Variants in C4orf51 observed in about 807,000 individuals in gnomAD.
C4orf51 encodes the protein chromosome 4 open reading frame 51, also known as uncharacterized protein C4orf51.
C4orf51 carries 25 observed loss-of-function variants against 25.2 expected under a neutral mutation model. The ratio of observed to expected loss-of-function variants is 0.99; its 90% CI spans 0.72 to 1.39. The LOEUF (loss-of-function observed/expected upper bound fraction) is 1.39. C4orf51 is among the 40% of genes most tolerant of loss of function. The pLI, the probability that C4orf51 is intolerant of heterozygous loss-of-function variation, is 0.00. For synonymous variants in C4orf51, 100 were observed against 84.5 expected, an observed-to-expected ratio of 1.18 and a Z score of -1.01; for missense variants, 252 against 239.6, an observed-to-expected ratio of 1.05 and a Z score of -0.34.
chr4:145,757,613 AAAAG>A (rs1233776349), downstream of C4orf51: 1 of 152,084 alleles, frequency 6.6e-6, no homozygotes, highest in Admixed American at 6.5e-5. Flanking sequence ...CCAAAAAAGA[AAAAG>A]AAACAAGAGT....
At position 145,729,944 on chromosome 4, in the gene C4orf51, AG is replaced by A; in HGVS notation, c.483del (p.Gly163ValfsTer3). On this transcript the variant is annotated frameshift_variant, in exon 5 of 6. Coordinates refer to ENST00000438731, the MANE Select transcript of C4orf51 (RefSeq NM_001080531.3). LOFTEE classifies it low-confidence loss of function (END_TRUNC). The stretch of plus-strand genomic sequence containing the variant: ...AGGCCCTGATAAACTACAGTCGACG[AG>A]GGAAAGGTGTCCTAAAGCATGTAAG... ...QEALINYSRR[G>X]KGVLKHLHGR... The A allele has an allele frequency of 2.5e-6, 4 of 1,613,942 alleles. No homozygotes were observed. The highest frequency in any genetic ancestry group is 3.4e-6 in the Non-Finnish European group (4 of 1,179,840).
chr4:145,746,289 C>T (rs937455814), intron 1 of C4orf51, among the ~76,000 whole-genome samples: 1 of 152,094 alleles, frequency 6.6e-6, no homozygotes, highest in Non-Finnish European at 1.5e-5. Flanking sequence ...GAAATCTTTG[C>T]CCGCTCCAGT....
At chr4:145,749,577 T>A (rs1287578042) in intron 1 of C4orf51, among the ~76,000 whole-genome samples, 1 of 151,636 alleles carries the variant, frequency 6.6e-6, no homozygotes, top group Non-Finnish European at 1.5e-5. Context: ...GTATCTGTTA[T>A]ATGTTTTTTG....
downstream of C4orf51, among the ~76,000 whole-genome samples, chr4:145,774,331 A>G (rs1234887495): frequency 1.3e-5 from 2 of 152,208 alleles, no homozygotes. Flanking sequence ...GCATGCCAGG[A>G]AACAGTATTA....
At chr4:145,690,203 G>GT (rs978442544) in intron 1 of C4orf51, among the ~76,000 whole-genome samples, 7 of 128,314 alleles carry the variant, frequency 5.5e-5, no homozygotes, top group African/African-American at 9.0e-5. Context: ...GCAAACCTCC[G>GT]TAAAAAAAAT....
At chr4:145,779,366 T>G in the C4orf51 span, 12 of 1,613,488 alleles carry the variant, frequency 7.4e-6, no homozygotes, top group Non-Finnish European at 1.0e-5. Flanking sequence ...CAGGCCCTAC[T>G]CACTCACCTG....
the C4orf51 span, among the ~76,000 whole-genome samples, chr4:145,782,894 A>G: frequency 7.2e-5 from 11 of 152,328 alleles, no homozygotes; most frequent in African/African-American, 2.6e-4. Context: ...CTACTTCTGT[A>G]CAATAAACTC....
intron 1 of C4orf51, among the ~76,000 whole-genome samples, chr4:145,693,559 G>A (rs1729757306): frequency 1.3e-5 from 2 of 151,550 alleles, no homozygotes; most frequent in African/African-American, 4.8e-5. Context: ...ACACCTCCCA[G>A]ATGGGGTGGT....
At chr4:145,711,964 A>G (rs10028472) in intron 2 of C4orf51, among the ~76,000 whole-genome samples, 27,680 of 152,074 alleles carry the variant, frequency 0.18, 3,462 homozygotes, top group African/African-American at 0.36. Context: ...AATTCTCACA[A>G]TATTTTAAAA....
At chr4:145,748,583 T>C (rs1733506278) in intron 1 of C4orf51, among the ~76,000 whole-genome samples, 1 of 152,186 alleles carries the variant, frequency 6.6e-6, no homozygotes, top group Non-Finnish European at 1.5e-5. Flanking sequence ...TGTGTTCCAA[T>C]TATCATTTGT....
At chr4:145,739,377 T>G (rs904548458) in intron 1 of C4orf51, among the ~76,000 whole-genome samples, 2 of 152,244 alleles carry the variant, frequency 1.3e-5, no homozygotes, top group Non-Finnish European at 2.9e-5. Context: ...ACTGAGGAAT[T>G]CATCCCATAG....
At chr4:145,791,831 T>C in the C4orf51 span, among the ~76,000 whole-genome samples, 1 of 152,254 alleles carries the variant, frequency 6.6e-6, no homozygotes, top group Non-Finnish European at 1.5e-5. Flanking sequence ...CCTCATTTTA[T>C]AGATGAGACA....
chr4:145,696,435 T>C (rs986030457), intron 1 of C4orf51, 124 bp from the exon 2 acceptor site: 1 of 769,454 alleles, frequency 1.3e-6, no homozygotes, highest in Non-Finnish European at 2.2e-6. Flanking sequence ...CCTTCACATG[T>C]ACTCCCAAAC....
the C4orf51 span, chr4:145,779,530 G>A: frequency 6.2e-7 from 1 of 1,610,414 alleles, no homozygotes; most frequent in Non-Finnish European, 8.5e-7. Context: ...AAAGAACAAA[G>A]CATCATGAGA....
chr4:145,768,916 T>TATATATATATATATATATA (rs34051922), intron 1 of C4orf51, among the ~76,000 whole-genome samples: 1 of 34,428 alleles, frequency 2.9e-5, no homozygotes, highest in Non-Finnish European at 5.2e-5. Context: ...TATATATATA[T>TATATATATATATATATATA]TAGGTATACA....
chr4:145,736,592 G>A (rs1208043691), downstream of C4orf51, among the ~76,000 whole-genome samples: 1 of 152,146 alleles, frequency 6.6e-6, no homozygotes, highest in Non-Finnish European at 1.5e-5. Context: ...CCTGACCTAG[G>A]CATTTCAGGC....
At chr4:145,733,734 T>G (rs1336022728), downstream of C4orf51, among the ~76,000 whole-genome samples, 1 of 152,228 alleles carries the variant, frequency 6.6e-6, no homozygotes. Context: ...CCATCTGGTC[T>G]GATTCCCGGC....
chr4:145,743,338 A>T (rs1733198932), intron 1 of C4orf51, among the ~76,000 whole-genome samples: 1 of 152,200 alleles, frequency 6.6e-6, no homozygotes, highest in South Asian at 2.1e-4. Flanking sequence ...GCATCTTGTG[A>T]AGGCTTTCTT....
chr4:145,692,722 G>A (rs945434142), intron 1 of C4orf51, among the ~76,000 whole-genome samples: 2 of 152,164 alleles, frequency 1.3e-5, no homozygotes, highest in African/African-American at 4.8e-5. Context: ...CCTGAAGTGT[G>A]AGGACCCTCC....
Sources: allele counts gnomAD v4.1 joint callset (sites outside exome capture counted in the v4.1 genomes callset), GRCh38; gene constraint gnomAD v4.1.1; transcripts MANE v1.5; gene names NCBI Gene and HGNC (gene_info 2026-07-23, HGNC 2026-07-21).